Variants in XYLT1 observed in about 807,000 individuals in gnomAD.
XYLT1 encodes xylosyltransferase 1.
XYLT1 carries 36 observed loss-of-function variants against 91.3 expected under a neutral mutation model. The ratio of observed to expected loss-of-function variants is 0.39; its 90% CI spans 0.30 to 0.52. XYLT1 has a LOEUF of 0.52. Among genes scored for constraint, XYLT1 ranks in the 20% least tolerant of loss-of-function variants. The pLI is 0.68. For missense variants in XYLT1, 1,242 were observed against 1,284.5 expected, an observed-to-expected ratio of 0.97 and a Z score of 0.51; for synonymous variants, 588 against 532.0, an observed-to-expected ratio of 1.11 and a Z score of -1.45.
intron 3 of XYLT1, among the ~76,000 whole-genome samples, chr16:17,228,545 A>G (rs1269475813): frequency 2.0e-5 from 3 of 152,122 alleles, no homozygotes; most frequent in Non-Finnish European, 2.9e-5. Context: ...CAAGCAGCCA[A>G]TAGGGGACTT....
At chr16:17,270,285 A>C (rs2033869957) in intron 2 of XYLT1, among the ~76,000 whole-genome samples, 1 of 152,204 alleles carries the variant, frequency 6.6e-6, no homozygotes, top group African/African-American at 2.4e-5. Flanking sequence ...CCTAGCCTGG[A>C]CCTCAAGCCT....
chr16:17,442,220 A>G (rs933943109), intron 1 of XYLT1, among the ~76,000 whole-genome samples: 3 of 152,182 alleles, frequency 2.0e-5, no homozygotes, highest in Admixed American at 2.0e-4. Context: ...CAGCCATCAT[A>G]CTTGTATGAG....
At chr16:17,334,626 G>A (rs1207976786) in intron 2 of XYLT1, among the ~76,000 whole-genome samples, 2 of 152,148 alleles carry the variant, frequency 1.3e-5, no homozygotes, top group African/African-American at 4.8e-5. Flanking sequence ...CCTCCCCGAG[G>A]GGACCTTGCA....
At chr16:17,232,450 C>CACATATATATAT (rs1555489498) in intron 3 of XYLT1, among the ~76,000 whole-genome samples, 1 of 113,286 alleles carries the variant, frequency 8.8e-6, no homozygotes, top group Admixed American at 1.0e-4. Context: ...TATATATATA[C>CACATATATATAT]ATATATATAT....
chr16:17,374,730 A>T (rs781242724), intron 1 of XYLT1, among the ~76,000 whole-genome samples: 1 of 152,176 alleles, frequency 6.6e-6, no homozygotes, highest in African/African-American at 2.4e-5. Flanking sequence ...AAAAAAATCA[A>T]TCTAGGTTAG....
intron 2 of XYLT1, among the ~76,000 whole-genome samples, chr16:17,322,111 C>T (rs2034733104): frequency 6.6e-6 from 1 of 152,212 alleles, no homozygotes; most frequent in South Asian, 2.1e-4. Context: ...ACTTAACTCA[C>T]ATGGCAACTC....
chr16:17,399,418 G>C (rs2035934937), intron 1 of XYLT1, among the ~76,000 whole-genome samples: 1 of 152,166 alleles, frequency 6.6e-6, no homozygotes, highest in African/African-American at 2.4e-5. Context: ...CCAGCACTGA[G>C]AGCAGGAGGG....
intron 2 of XYLT1, 58 bp from the exon 3 acceptor site, chr16:17,259,556 G>C: frequency 6.4e-7 from 1 of 1,569,500 alleles, no homozygotes; most frequent in South Asian, 1.1e-5. Context: ...ATGCTAAGCA[G>C]ACTGGCCTTT....
At chr16:17,191,342 C>A (rs991104920) in intron 5 of XYLT1, among the ~76,000 whole-genome samples, 1 of 152,202 alleles carries the variant, frequency 6.6e-6, no homozygotes, top group Non-Finnish European at 1.5e-5. Context: ...GTGATCTGTA[C>A]GCAGATGCAG....
rs1966823992 is a variant in XYLT1 at position 17,109,441 on chromosome 16, G to A, written c.2558-424C>T. On this transcript the variant is annotated intron_variant, in intron 11 of 11. Coordinates refer to ENST00000261381, the MANE Select transcript of XYLT1 (RefSeq NM_022166.4). ...ACCAGGATCTATTCTAGGTGGTGGA[G>A]CAAACCAGATAGGAAGGTTAAGATC... Among the ~76,000 whole-genome samples, 3 of 152,174 alleles carry A rather than the reference G, an allele frequency of 2.0e-5. No individual in the cohort carries two copies. The East Asian group carries it at 5.8e-4, about 29-fold the overall frequency.
Position 17,236,432 on chromosome 16 carries a change from C to CAA in XYLT1, c.913+22554_913+22555dup, listed in dbSNP as rs113892095. 7.5e-3 allele frequency among the ~76,000 whole-genome samples: 757 copies of CAA among 100,636 alleles called. 12 individuals carry two copies. Among genetic ancestry groups the CAA allele is most frequent in the African/African-American group, 0.023 (685 of 29,324 alleles). The allele number at this position is 100,636 out of a possible 152,430, so 66.0% of individuals were successfully genotyped here. On this transcript the variant is annotated intron_variant, in intron 3 of 11. Transcript: ENST00000261381. ...AGTATCACAACTGAAATGGAGAGTACAAAAAAAAAAAAAAGGCTGGACTTG... is the reference window on the plus strand; with the variant it reads ...AGTATCACAACTGAAATGGAGAGTACAAAAAAAAAAAAAAAAGGCTGGACTTG...
chr16:17,412,376 C>CA (rs1042373482), intron 1 of XYLT1, among the ~76,000 whole-genome samples: 4 of 152,014 alleles, frequency 2.6e-5, no homozygotes, highest in Non-Finnish European at 4.4e-5. Context: ...CACACGTACA[C>CA]AAACACACAC....
At chr16:17,293,247 C>T (rs1473452835) in intron 2 of XYLT1, among the ~76,000 whole-genome samples, 1 of 152,082 alleles carries the variant, frequency 6.6e-6, no homozygotes, top group African/African-American at 2.4e-5. Flanking sequence ...ATCATGGCAT[C>T]CCCGAGTTTA....
intron 2 of XYLT1, among the ~76,000 whole-genome samples, chr16:17,349,785 A>C (rs1422769486): frequency 6.6e-6 from 1 of 152,036 alleles, no homozygotes; most frequent in East Asian, 1.9e-4. Context: ...TTCATGTTAC[A>C]TAAAAGTGCT....
chr16:17,115,668 G>A (rs183201935), intron 11 of XYLT1, among the ~76,000 whole-genome samples: 1 of 151,286 alleles, frequency 6.6e-6, no homozygotes, highest in African/African-American at 2.4e-5. Flanking sequence ...TAGTAGATGG[G>A]GTTTCACCAT....
At chr16:17,287,057 C>T (rs2034151541) in intron 2 of XYLT1, among the ~76,000 whole-genome samples, 1 of 152,112 alleles carries the variant, frequency 6.6e-6, no homozygotes, top group Admixed American at 6.6e-5. Context: ...CTACAGTATG[C>T]CTTGATGACC....
At chr16:17,224,748 T>C (rs2033032496) in intron 3 of XYLT1, among the ~76,000 whole-genome samples, 1 of 152,208 alleles carries the variant, frequency 6.6e-6, no homozygotes, top group Admixed American at 6.5e-5. Flanking sequence ...GTGACACTTA[T>C]CAACATTTCT....
At chr16:17,320,481 T>TC (rs1202596490) in intron 2 of XYLT1, among the ~76,000 whole-genome samples, 2 of 99,242 alleles carry the variant, frequency 2.0e-5, no homozygotes, top group African/African-American at 4.2e-5. Flanking sequence ...TGGAAAAGTT[T>TC]CTTTTTTTTT....
intron 2 of XYLT1, among the ~76,000 whole-genome samples, chr16:17,276,873 T>C (rs2033985064): frequency 6.6e-6 from 1 of 152,140 alleles, no homozygotes; most frequent in Non-Finnish European, 1.5e-5. Flanking sequence ...ATCTATAATA[T>C]CAAAACCTCG....
Sources: gnomAD v4.1 joint callset for allele counts (sites outside exome capture counted in the v4.1 genomes callset) on GRCh38, gnomAD v4.1.1 for gene constraint, MANE v1.5 for transcripts, NCBI Gene and HGNC (gene_info 2026-07-23, HGNC 2026-07-21) for gene names.